Variants in PACC1 observed in about 807,000 individuals in gnomAD.
PACC1 encodes proton-activated chloride channel.
In PACC1, 34 loss-of-function variants were observed where a neutral mutation model predicts 39.7. That is an observed-to-expected ratio of 0.86 (90% confidence interval 0.65 to 1.14). The LOEUF is 1.14. Among genes scored for constraint, PACC1 ranks in the 50% most tolerant of loss-of-function variants. The pLI, the probability that PACC1 is intolerant of heterozygous loss-of-function variation, is 0.00. For missense variants in PACC1, 379 were observed against 436.4 expected, an observed-to-expected ratio of 0.87 and a Z score of 1.17; for synonymous variants, 127 against 160.6, an observed-to-expected ratio of 0.79 and a Z score of 1.58.
intron 2 of PACC1, among the ~76,000 whole-genome samples, chr1:212,389,448 A>G (rs554791223): frequency 5.4e-4 from 82 of 152,356 alleles, no homozygotes; most frequent in African/African-American, 1.7e-3. Context: ...ATGCCAAGAA[A>G]AAAAAATACC....
chr1:212,379,895 C>T lies in PACC1; in HGVS notation c.638G>A (p.Ser213Asn). ...LFSSFQEFLQ[S>N]PNRVGFMQAC... The stretch of plus-strand genomic sequence containing the variant: ...CCCACTGTGAACTCTAAAAGCCCAC[C>T]TTTGCAGGAACTCCTGGAAAGAAGA... Residue 213 changes from serine to asparagine, a missense_variant and splice_region_variant, in exon 5 of 8, where the codon AGC becomes AAC. Coordinates refer to ENST00000261455, the MANE Select transcript of PACC1 (RefSeq NM_018252.3). The T allele has an allele frequency of 1.2e-6, 2 of 1,614,134 alleles. No individual in the cohort carries two copies. The highest frequency in any genetic ancestry group is 2.2e-5 in the East Asian group (1 of 44,878).
intron 4 of PACC1, 127 bp from the exon 5 acceptor site, chr1:212,380,164 G>A: frequency 1.1e-6 from 1 of 948,002 alleles, no homozygotes; most frequent in Non-Finnish European, 1.6e-6. Context: ...GGGACCACTA[G>A]CCAACAACAG....
At chr1:212,384,019 G>C (rs1661003421) in intron 4 of PACC1, among the ~76,000 whole-genome samples, 1 of 152,178 alleles carries the variant, frequency 6.6e-6, no homozygotes, top group Non-Finnish European at 1.5e-5. Flanking sequence ...TAACGGTGCT[G>C]ATTCCAAGCT....
rs890356224 is a variant in PACC1, at chr1:212,364,293, C to T, written c.*922G>A. The stretch of plus-strand genomic sequence containing the variant: ...CCTCGGGGACACCAGGTCACTCTTT[C>T]TGGACACCTGCCATCAGTTGCCATG... On this transcript the variant is annotated 3_prime_UTR_variant, in exon 8 of 8. Transcript: ENST00000261455. 1 of 152,192 alleles carries T rather than the reference C, an allele frequency of 6.6e-6. No homozygotes were observed. The highest frequency in any genetic ancestry group is 1.5e-5 in the Non-Finnish European group (1 of 68,058). The allele number at this position is 152,192 out of a possible 1,614,324, so 9.4% of individuals were successfully genotyped here.
chr1:212,387,501 T>C (rs1188894122), intron 2 of PACC1: 2 of 189,198 alleles, frequency 1.1e-5, no homozygotes, highest in East Asian at 3.0e-4. Flanking sequence ...TCTCTGGCCT[T>C]ATCCCTCACT....
At chr1:212,378,479 A>G (rs1323380916) in intron 5 of PACC1, among the ~76,000 whole-genome samples, 1 of 152,208 alleles carries the variant, frequency 6.6e-6, no homozygotes, top group Non-Finnish European at 1.5e-5. Flanking sequence ...AGCTCGCTGC[A>G]TGTCCAGCTG....
intron 2 of PACC1, among the ~76,000 whole-genome samples, chr1:212,409,038 T>C (rs1361685931): frequency 6.6e-6 from 1 of 152,224 alleles, no homozygotes; most frequent in Non-Finnish European, 1.5e-5. Context: ...CAAATCCTAT[T>C]GTAAGCTGCA....
chr1:212,414,144 G>A, intron 1 of PACC1: 5 of 1,448,674 alleles, frequency 3.5e-6, no homozygotes, highest in Admixed American at 2.5e-5. Context: ...GAGGAGGTGA[G>A]ACTGGAGGGA....
At chr1:212,405,397 A>C (rs1344225828) in intron 2 of PACC1, among the ~76,000 whole-genome samples, 2 of 152,222 alleles carry the variant, frequency 1.3e-5, no homozygotes, top group African/African-American at 2.4e-5. Context: ...AATTAAACTC[A>C]ATAAATGTGA....
chr1:212,401,320 T>A (rs1661701780), intron 2 of PACC1, among the ~76,000 whole-genome samples: 1 of 152,088 alleles, frequency 6.6e-6, no homozygotes, highest in Admixed American at 6.6e-5. Flanking sequence ...GTGTCTGACT[T>A]CTCTCACTAT....
At chr1:212,366,331 TCTCA>T (rs1455232440) in intron 7 of PACC1, among the ~76,000 whole-genome samples, 1 of 129,976 alleles carries the variant, frequency 7.7e-6, no homozygotes, top group African/African-American at 3.2e-5. Context: ...TGAGATGGAG[TCTCA>T]CTGTCGCCAG....
chr1:212,368,718 C>T (rs1660333079), intron 7 of PACC1, among the ~76,000 whole-genome samples: 2 of 150,720 alleles, frequency 1.3e-5, no homozygotes, highest in South Asian at 4.2e-4. Context: ...TAGAAAATAG[C>T]CTCAAAAGGG....
intron 2 of PACC1, among the ~76,000 whole-genome samples, chr1:212,402,575 G>A (rs1401691882): frequency 1.3e-5 from 2 of 152,144 alleles, no homozygotes; most frequent in South Asian, 2.1e-4. Context: ...CTTATCAGGT[G>A]TATGATTTGC....
rs1255127963 is a variant in PACC1 at position 212,386,193 on chromosome 1, A to T, written c.343+698T>A. 6.6e-6 allele frequency among the ~76,000 whole-genome samples: 1 copy of T among 152,102 alleles called. No individual in the cohort carries two copies. The highest frequency in any genetic ancestry group is 1.5e-5 in the Non-Finnish European group (1 of 68,000). On this transcript the variant is annotated intron_variant, in intron 3 of 7. Coordinates refer to ENST00000261455, the MANE Select transcript of PACC1 (RefSeq NM_018252.3). This position sits in a 1 kb window ranked among gnomAD's most constrained non-coding sequence, Gnocchi z 5.0. Reference sequence around the variant, plus strand: ...GAGCAGGCCCTCCCACAGGTTACTCAGGGGCATCTGTGGGCAGAACAGGTG... The same window carrying T: ...GAGCAGGCCCTCCCACAGGTTACTCTGGGGCATCTGTGGGCAGAACAGGTG...
At chr1:212,399,496 C>T (rs1661640664) in intron 2 of PACC1, among the ~76,000 whole-genome samples, 1 of 151,826 alleles carries the variant, frequency 6.6e-6, no homozygotes, top group South Asian at 2.1e-4. Flanking sequence ...CGGTCTCACT[C>T]TGTCACTCAG....
chr1:212,408,981 T>C (rs1305029242), intron 2 of PACC1, among the ~76,000 whole-genome samples: 1 of 152,190 alleles, frequency 6.6e-6, no homozygotes, highest in Non-Finnish European at 1.5e-5. Context: ...CCACCTGAGC[T>C]CCACCTCCTG....
intron 5 of PACC1, among the ~76,000 whole-genome samples, chr1:212,379,457 G>A (rs2102484599): frequency 6.6e-6 from 1 of 152,310 alleles, no homozygotes; most frequent in East Asian, 1.9e-4. Flanking sequence ...ACCCCAAGTT[G>A]TTCAAGGACC....
At chr1:212,401,675 C>CTTT (rs1160607066) in intron 2 of PACC1, among the ~76,000 whole-genome samples, 3 of 131,804 alleles carry the variant, frequency 2.3e-5, no homozygotes, top group Non-Finnish European at 3.3e-5. Context: ...GCATCAGTTC[C>CTTT]TTTTTTTTTT....
rs1661066253 is a variant in PACC1, at chr1:212,385,435, C to T, written c.344-10G>A. 1.9e-6 allele frequency: 3 copies of T among 1,613,828 alleles called. No homozygotes were observed. The highest frequency in any genetic ancestry group is 1.3e-5 in the African/African-American group (1 of 74,858). On this transcript the variant is annotated splice_polypyrimidine_tract_variant and intron_variant, in intron 3 of 7. Transcript: ENST00000261455. ...GGGTACAAGGCAATACCTGGGGGCA[C>T]AAACAGGAAAAGCAAGTGTCAGAAA...
Sources: allele counts gnomAD v4.1 joint callset (sites outside exome capture counted in the v4.1 genomes callset), GRCh38; gene constraint gnomAD v4.1.1; non-coding constraint Gnocchi (gnomAD v3.1); transcripts MANE v1.5; gene names NCBI Gene and HGNC (gene_info 2026-07-23, HGNC 2026-07-21).